Variants in TNRC6A observed in about 807,000 individuals in gnomAD.
TNRC6A encodes trinucleotide repeat containing adaptor 6A.
Under a neutral mutation model 221.2 loss-of-function variants are expected in TNRC6A, and 44 were observed. The observed-to-expected ratio is 0.20, with a 90% CI of 0.16 to 0.26. TNRC6A has a LOEUF of 0.26. Ranked by LOEUF, TNRC6A falls within the 10% of genes least tolerant of loss-of-function variation. TNRC6A has a pLI of 1.00. For missense variants in TNRC6A, 2,199 were observed against 2,404.4 expected, an observed-to-expected ratio of 0.91 and a Z score of 1.79; for synonymous variants, 847 against 838.5, an observed-to-expected ratio of 1.01 and a Z score of -0.18.
At chr16:24,757,795 A>G (rs1047640153) in intron 3 of TNRC6A, among the ~76,000 whole-genome samples, 2 of 152,228 alleles carry the variant, frequency 1.3e-5, no homozygotes, top group African/African-American at 4.8e-5. Flanking sequence ...TTTTCCACTC[A>G]AAAATACTTA....
In TNRC6A at chr16:24,752,269, G is replaced by A. The variant is rs1232545598; in HGVS notation, c.141+1456G>A. ...AGAGTCAGCTTAGATTGACTCGCAG[G>A]TTCCAGATGAGTGACTACATTTGAG... On this transcript the variant is annotated intron_variant, in intron 3 of 24. Coordinates refer to ENST00000395799, the MANE Select transcript of TNRC6A (RefSeq NM_014494.4). 5.3e-5 allele frequency among the ~76,000 whole-genome samples: 8 copies of A among 152,154 alleles called. No individual in the cohort carries two copies. In the East Asian group the frequency reaches 1.5e-3, roughly 29 times the overall value.
chr16:24,652,527 C>T (rs924370477), intron 2 of TNRC6A, among the ~76,000 whole-genome samples: 1 of 152,158 alleles, frequency 6.6e-6, no homozygotes, highest in Admixed American at 6.6e-5. Flanking sequence ...ACCTCAGCAC[C>T]GATTGGCATC....
chr16:24,735,755 A>G (rs749235306), intron 2 of TNRC6A, among the ~76,000 whole-genome samples: 4 of 152,236 alleles, frequency 2.6e-5, no homozygotes, highest in Non-Finnish European at 5.9e-5. Context: ...GACAACTGCA[A>G]AAGTATTGCC....
At chr16:24,627,943 C>T (rs931095532) in intron 1 of TNRC6A, among the ~76,000 whole-genome samples, 10 of 150,878 alleles carry the variant, frequency 6.6e-5, no homozygotes, top group African/African-American at 1.2e-4. Context: ...GTGATCTGCC[C>T]GCCTCGGCCT....
intron 10 of TNRC6A, 50 bp from the exon 11 acceptor site, chr16:24,797,865 T>G (rs1003066554): frequency 2.0e-6 from 3 of 1,503,808 alleles, no homozygotes; most frequent in Non-Finnish European, 2.7e-6. Flanking sequence ...TTTTATTTGT[T>G]TTCATTGATA....
At chr16:24,646,337 T>C (rs977606966) in intron 2 of TNRC6A, among the ~76,000 whole-genome samples, 6 of 152,194 alleles carry the variant, frequency 3.9e-5, no homozygotes, top group Admixed American at 1.3e-4. Flanking sequence ...ACTCAACCAA[T>C]GAACATTGGC....
chr16:24,806,977 G>GA (rs1353657363), intron 17 of TNRC6A, among the ~76,000 whole-genome samples, 193 bp downstream of exon 17: 1 of 151,492 alleles, frequency 6.6e-6, no homozygotes, highest in East Asian at 1.9e-4. Context: ...CTCTCCTCAA[G>GA]AAAATCACGA....
In TNRC6A at chr16:24,655,078, A is replaced by G. The variant is rs936847765; in HGVS notation, n.402+14069A>G. Among the ~76,000 whole-genome samples, 4 of 152,036 alleles carry G rather than the reference A, an allele frequency of 2.6e-5. No homozygotes were observed. The East Asian group carries it at 7.7e-4, about 29-fold the overall frequency. ...GGCAACATGACAGAACCCCATCGCTACAAAAAATACAAAAATTTAGCTGGG... is the reference window on the plus strand; with the variant it reads ...GGCAACATGACAGAACCCCATCGCTGCAAAAAATACAAAAATTTAGCTGGG... On this transcript the variant is annotated intron_variant and non_coding_transcript_variant, in intron 2 of 2. Transcript: ENST00000566108.
chr16:24,764,172 G>T (rs946670776), intron 4 of TNRC6A, among the ~76,000 whole-genome samples: 26 of 149,676 alleles, frequency 1.7e-4, no homozygotes, highest in African/African-American at 2.5e-4. Flanking sequence ...GATTCCACTT[G>T]TAAGTGAGAT....
At position 24,702,170 on chromosome 16, in the gene TNRC6A, T is replaced by TTTTTC. The variant is rs1166335239; in HGVS notation, n.403-48551_403-48547dup. On this transcript the variant is annotated intron_variant and non_coding_transcript_variant, in intron 2 of 2. Transcript: ENST00000566108. ...GCGTGTAAACTCTTTTTTCTTTTCT[T>TTTTTC]TTTTCTTTTTTCTTTTTTTTTTTTT... Among the ~76,000 whole-genome samples the TTTTTC allele has an allele frequency of 1.7e-4, 16 of 96,828 alleles. No homozygotes were observed. The East Asian group carries it at 8.5e-3, about 51-fold the overall frequency. The allele number at this position is 96,828 out of a possible 152,430, so 63.5% of individuals were successfully genotyped here. A position where few individuals can be genotyped will look rare whatever the true frequency, so the allele number is the denominator to read the frequency against.
intron 5 of TNRC6A, among the ~76,000 whole-genome samples, 160 bp from the exon 6 acceptor site, chr16:24,789,072 A>G (rs747125972): frequency 3.3e-5 from 5 of 152,246 alleles, no homozygotes; most frequent in Non-Finnish European, 7.3e-5. Context: ...GGTGGCTAGA[A>G]GATAACCAGT....
At chr16:24,648,199 T>C (rs999905149) in intron 2 of TNRC6A, among the ~76,000 whole-genome samples, 18 of 151,994 alleles carry the variant, frequency 1.2e-4, no homozygotes, top group Admixed American at 3.9e-4. Flanking sequence ...CTTCTTGATA[T>C]ATACTAAGAA....
At chr16:24,660,739 C>CTTTTT (rs58299677) in intron 2 of TNRC6A, among the ~76,000 whole-genome samples, 39 of 91,286 alleles carry the variant, frequency 4.3e-4, no homozygotes, top group African/African-American at 6.4e-4. Flanking sequence ...TTTTTTTTTT[C>CTTTTT]TTTTTTTTTT....
intron 18 of TNRC6A, 103 bp from the exon 19 acceptor site, chr16:24,815,044 C>A: frequency 1.5e-6 from 2 of 1,302,216 alleles, no homozygotes; most frequent in Non-Finnish European, 1.1e-6. Context: ...CAGCCTAGAG[C>A]CCACAGATCT....
chr16:24,812,491 A>G (rs139238445), intron 18 of TNRC6A, among the ~76,000 whole-genome samples: 1 of 152,290 alleles, frequency 6.6e-6, no homozygotes, highest in East Asian at 1.9e-4. Context: ...ACTTAATGGC[A>G]ATGTTTCAGT....
intron 2 of TNRC6A, among the ~76,000 whole-genome samples, chr16:24,709,620 T>C (rs551265588): frequency 6.6e-6 from 1 of 151,650 alleles, no homozygotes; most frequent in South Asian, 2.1e-4. Flanking sequence ...AGGCCAGGAG[T>C]TCCAGTCCAG....
At position 24,610,748 on chromosome 16, in the gene TNRC6A, A is replaced by C. The variant is rs370526880; in HGVS notation, n.276+264A>C. Among the ~76,000 whole-genome samples, 86 of 151,552 alleles carry C rather than the reference A, an allele frequency of 5.7e-4. 1 individual carries two copies. Among genetic ancestry groups the C allele is most frequent in the African/African-American group, 2.0e-3 (84 of 41,324 alleles). On this transcript the variant is annotated intron_variant and non_coding_transcript_variant, in intron 1 of 2. Transcript: ENST00000566108. ...CTTATTCCGAGCCTCTCCTCTCTCTATCTTACTCCTCCTAACCTCTCTCAC... is the reference window on the plus strand; with the variant it reads ...CTTATTCCGAGCCTCTCCTCTCTCTCTCTTACTCCTCCTAACCTCTCTCAC...
chr16:24,642,500 A>C (rs918538184), intron 2 of TNRC6A, among the ~76,000 whole-genome samples: 8 of 152,112 alleles, frequency 5.3e-5, no homozygotes, highest in African/African-American at 1.9e-4. Flanking sequence ...ATGACCTCAG[A>C]AGTAGAGGAT....
In TNRC6A at chr16:24,777,113, CGCAGCCGCA is replaced by C. The variant is rs1403485874; in HGVS notation, c.350_358del (p.Pro117_Gln119del). 3.0e-5 allele frequency: 33 copies of C among 1,091,136 alleles called. No individual in the cohort carries two copies. The highest frequency in any genetic ancestry group is 4.2e-5 in the Non-Finnish European group (32 of 769,406). 67.6% of individuals were successfully genotyped at this position (1,091,136 alleles called of 1,614,324 possible). ...CAGCAGCCACAGCAGCAGCCACAGCCGCAGCCGCAGCAGCAGCAGCCACAGCAGCAGCCA... is the reference window on the plus strand; with the variant it reads ...CAGCAGCCACAGCAGCAGCCACAGCCGCAGCAGCAGCCACAGCAGCAGCCA... On this transcript the variant is annotated inframe_deletion, in exon 5 of 25. Coordinates refer to ENST00000395799, the MANE Select transcript of TNRC6A (RefSeq NM_014494.4).
Sources: allele counts gnomAD v4.1 joint callset (sites outside exome capture counted in the v4.1 genomes callset), GRCh38; gene constraint gnomAD v4.1.1; transcripts MANE v1.5; gene names NCBI Gene and HGNC (gene_info 2026-07-23, HGNC 2026-07-21).